The following MAN1C1 variants were observed in gnomAD, a reference collection of about 807,000 sequenced individuals.
MAN1C1 encodes the protein mannosidase alpha class 1C member 1, also known as mannosyl-oligosaccharide 1,2-alpha-mannosidase IC.
MAN1C1 carries 49 observed loss-of-function variants against 71.5 expected under a neutral mutation model. That is an observed-to-expected ratio of 0.69 (90% CI 0.54 to 0.87). The LOEUF (loss-of-function observed/expected upper bound fraction) is 0.87. Ranked by LOEUF, MAN1C1 falls within the 40% of genes least tolerant of loss-of-function variation. MAN1C1 has a pLI of 0.00. For missense variants in MAN1C1, 743 were observed against 835.0 expected (o/e 0.89, Z 1.36); for synonymous variants, 352 against 343.7 (o/e 1.02, Z -0.27).
chr1:25,768,487 CCA>C (rs2047489707), intron 7 of MAN1C1, among the ~76,000 whole-genome samples: 1 of 123,106 alleles, frequency 8.1e-6, no homozygotes, highest in Non-Finnish European at 1.7e-5. Flanking sequence ...ACACACTCCC[CCA>C]CACAGACCCA....
intron 1 of MAN1C1, chr1:25,659,115 G>A (rs896582524): frequency 6.6e-6 from 1 of 152,242 alleles, no homozygotes; most frequent in African/African-American, 2.4e-5. Context: ...TCTAAGCCCA[G>A]CTGTACCCAG....
chr1:25,774,995 A>G (rs1001146752), intron 8 of MAN1C1, among the ~76,000 whole-genome samples: 9 of 152,152 alleles, frequency 5.9e-5, no homozygotes, highest in Non-Finnish European at 1.2e-4. Flanking sequence ...TCAAAGAGGC[A>G]GTGGTTTATA....
At chr1:25,680,278 G>C (rs544749197) in intron 1 of MAN1C1, among the ~76,000 whole-genome samples, 1 of 152,270 alleles carries the variant, frequency 6.6e-6, no homozygotes, top group South Asian at 2.1e-4. Flanking sequence ...GGCCAGGCTG[G>C]TTTTGAACTC....
At chr1:25,737,573 C>T (rs772096998) in intron 2 of MAN1C1, among the ~76,000 whole-genome samples, 26 of 152,310 alleles carry the variant, frequency 1.7e-4, no homozygotes, top group African/African-American at 2.4e-4. Context: ...TCTCTGTGCC[C>T]AGCCTGAGGA....
chr1:25,690,300 T>C (rs1319247839), intron 2 of MAN1C1, among the ~76,000 whole-genome samples: 1 of 149,274 alleles, frequency 6.7e-6, no homozygotes, highest in African/African-American at 2.5e-5. Flanking sequence ...TTTTTTTTTT[T>C]TTTTTTTTTT....
intron 1 of MAN1C1, among the ~76,000 whole-genome samples, chr1:25,665,366 A>G (rs2045907153): frequency 6.6e-6 from 1 of 152,190 alleles, no homozygotes; most frequent in South Asian, 2.1e-4. Flanking sequence ...GAGAGTGCCC[A>G]ATCTATGGGG....
intron 1 of MAN1C1, among the ~76,000 whole-genome samples, chr1:25,638,045 T>G (rs1329560308): frequency 6.6e-6 from 1 of 152,162 alleles, no homozygotes; most frequent in Non-Finnish European, 1.5e-5. Context: ...TAATGTATTA[T>G]TTATATAACT....
At chr1:25,697,615 T>G (rs1174964870) in intron 2 of MAN1C1, among the ~76,000 whole-genome samples, 1 of 152,256 alleles carries the variant, frequency 6.6e-6, no homozygotes, top group Admixed American at 6.5e-5. Flanking sequence ...TGTAACTTTT[T>G]GAGGAACTGC....
chr1:25,676,831 G>A (rs2046075286), intron 1 of MAN1C1, among the ~76,000 whole-genome samples: 1 of 152,200 alleles, frequency 6.6e-6, no homozygotes, highest in South Asian at 2.1e-4. Flanking sequence ...AAGTGGGGGA[G>A]AATGTCTCAA....
chr1:25,750,029 G>A (rs185670808), intron 4 of MAN1C1, among the ~76,000 whole-genome samples: 2 of 152,242 alleles, frequency 1.3e-5, no homozygotes, highest in Non-Finnish European at 2.9e-5. Flanking sequence ...GAGCTGGTGC[G>A]GTCAGGAAAC....
intron 2 of MAN1C1, 96 bp downstream of exon 2, chr1:25,686,632 GTGGGGGCTCC>G: frequency 9.8e-7 from 1 of 1,018,178 alleles, no homozygotes; most frequent in South Asian, 1.3e-5. Flanking sequence ...CTCCTGAGCT[GTGGGGGCTCC>G]ACAGTTCTCC....
chr1:25,646,603 C>T (rs925088073), intron 1 of MAN1C1, among the ~76,000 whole-genome samples: 1 of 152,220 alleles, frequency 6.6e-6, no homozygotes, highest in Non-Finnish European at 1.5e-5. Flanking sequence ...TCACTCCAGA[C>T]CCACTACCCC....
chr1:25,743,880 G>T (rs2047093655), intron 2 of MAN1C1, among the ~76,000 whole-genome samples: 1 of 152,226 alleles, frequency 6.6e-6, no homozygotes, highest in Non-Finnish European at 1.5e-5. Flanking sequence ...GATCAGAGTG[G>T]GTGGGGTGGG....
At chr1:25,733,511 C>T (rs906642361) in intron 2 of MAN1C1, among the ~76,000 whole-genome samples, 4 of 152,140 alleles carry the variant, frequency 2.6e-5, no homozygotes, top group South Asian at 2.1e-4. Flanking sequence ...TCTGCCCGAA[C>T]GCTGCCCATC....
At chr1:25,622,004 G>C in intron 1 of MAN1C1, among the ~76,000 whole-genome samples, 1 of 152,188 alleles carries the variant, frequency 6.6e-6, no homozygotes, top group East Asian at 1.9e-4. Context: ...AATTAGGCTG[G>C]CTGGGGCACT....
At chr1:25,686,678 T>C in intron 2 of MAN1C1, 142 bp downstream of exon 2, 1 of 676,450 alleles carries the variant, frequency 1.5e-6, no homozygotes, top group Non-Finnish European at 2.6e-6. Flanking sequence ...CAAGTCTGTG[T>C]TTCCTCTGGG....
intron 2 of MAN1C1, among the ~76,000 whole-genome samples, chr1:25,701,569 G>A (rs2046444419): frequency 6.6e-6 from 1 of 152,240 alleles, no homozygotes; most frequent in Non-Finnish European, 1.5e-5. Flanking sequence ...CTGCCCAACA[G>A]GCAGGACCTC....
chr1:25,643,421 A>ATTTT (rs11326338), intron 1 of MAN1C1, among the ~76,000 whole-genome samples: 1 of 115,456 alleles, frequency 8.7e-6, no homozygotes. Context: ...CGCCTGGCTA[A>ATTTT]TTTTTTTTTT....
chr1:25,738,282 A>G (rs950385065), intron 2 of MAN1C1, among the ~76,000 whole-genome samples: 1 of 152,138 alleles, frequency 6.6e-6, no homozygotes, highest in Non-Finnish European at 1.5e-5. Flanking sequence ...TTAAAACACG[A>G]CACACGAGAA....
Sources: gnomAD v4.1 joint callset for allele counts (sites outside exome capture counted in the v4.1 genomes callset) on GRCh38, gnomAD v4.1.1 for gene constraint, MANE v1.5 for transcripts, NCBI Gene and HGNC (gene_info 2026-07-23, HGNC 2026-07-21) for gene names.